Variants in RORB observed in about 807,000 individuals in gnomAD.
RORB encodes RAR related orphan receptor B.
RORB carries 6 observed loss-of-function variants against 59.1 expected under a neutral mutation model. The ratio of observed to expected loss-of-function variants is 0.10; its 90% CI spans 0.06 to 0.20. The LOEUF (loss-of-function observed/expected upper bound fraction) is 0.20, where lower values mean the gene tolerates loss of function less well. Ranked by LOEUF, RORB falls within the 10% of genes least tolerant of loss-of-function variation. The probability of loss-of-function intolerance (pLI) is 1.00; values close to 1 mark genes in which losing one functional copy is unlikely to be tolerated. For missense variants in RORB, 320 were observed against 560.5 expected (o/e 0.57, Z 4.33); for synonymous variants, 215 against 204.5 (o/e 1.05, Z -0.44).
intron 9 of RORB, among the ~76,000 whole-genome samples, chr9:74,678,099 A>C (rs1824475753): frequency 2.0e-5 from 3 of 152,226 alleles, no homozygotes; most frequent in African/African-American, 7.2e-5. Context: ...CTGTGCTGAT[A>C]GATTCTAAAT....
Position 74,582,699 on chromosome 9 carries a change from G to A in RORB, c.8-47583G>A, listed in dbSNP as rs113911522. On this transcript the variant is annotated intron_variant, in intron 1 of 9. Coordinates refer to ENST00000376896, the MANE Select transcript of RORB (RefSeq NM_006914.4). ...AGCAGCCACTGCTCCTCTGGACAGAGCAGGTACTTACTAGTTCACCTCAGC... is the reference window on the plus strand; with the variant it reads ...AGCAGCCACTGCTCCTCTGGACAGAACAGGTACTTACTAGTTCACCTCAGC... Among the ~76,000 whole-genome samples the A allele has an allele frequency of 1.5e-3, 232 of 152,244 alleles. 1 individual carries two copies. Among genetic ancestry groups the A allele is most frequent in the African/African-American group, 5.4e-3 (223 of 41,540 alleles).
intron 1 of RORB, among the ~76,000 whole-genome samples, chr9:74,609,998 T>C (rs992234295): frequency 1.3e-5 from 2 of 152,214 alleles, no homozygotes; most frequent in African/African-American, 4.8e-5. Flanking sequence ...GAAACCCTGC[T>C]CTAGAACCTG....
Position 74,548,693 on chromosome 9 carries a change from G to A in RORB, c.7+50710G>A, listed in dbSNP as rs1826541881. Among the ~76,000 whole-genome samples, 3 of 151,996 alleles carry A rather than the reference G, an allele frequency of 2.0e-5. No homozygotes were observed. In the South Asian group the frequency reaches 6.2e-4, roughly 32 times the overall value. ...AGTGTGAACTTCGAAAGTAATAACT[G>A]GTCATTGCAGAGAATGTGGAAAATG... On this transcript the variant is annotated intron_variant, in intron 1 of 9. Transcript: ENST00000376896.
chr9:74,660,540 T>A, intron 4 of RORB, 77 bp from the exon 5 acceptor site: 1 of 1,375,866 alleles, frequency 7.3e-7, no homozygotes, highest in Non-Finnish European at 9.9e-7. Flanking sequence ...AAAGGCATTC[T>A]TATAGTAAAC....
At chr9:74,573,979 G>A (rs182468332) in intron 1 of RORB, among the ~76,000 whole-genome samples, 25 of 152,210 alleles carry the variant, frequency 1.6e-4, no homozygotes, top group African/African-American at 5.1e-4. Context: ...GCACCCTCTC[G>A]GAATGCGTGG....
intron 4 of RORB, among the ~76,000 whole-genome samples, chr9:74,652,279 G>A (rs150288735): frequency 6.6e-5 from 10 of 152,068 alleles, no homozygotes; most frequent in Non-Finnish European, 1.2e-4. Flanking sequence ...GTGGTGGCTC[G>A]TGCCTGTAGT....
At chr9:74,507,926 ACAT>A (rs1825890675) in intron 1 of RORB, among the ~76,000 whole-genome samples, 2 of 152,070 alleles carry the variant, frequency 1.3e-5, no homozygotes, top group Non-Finnish European at 2.9e-5. Context: ...CAGGAAAAAC[ACAT>A]CATATCGTTA....
At chr9:74,587,105 A>C (rs1822814338) in intron 1 of RORB, among the ~76,000 whole-genome samples, 1 of 152,216 alleles carries the variant, frequency 6.6e-6, no homozygotes, top group African/African-American at 2.4e-5. Flanking sequence ...TGAATGATAT[A>C]AATACTTATG....
chr9:74,612,521 G>A (rs1346939142), intron 1 of RORB, among the ~76,000 whole-genome samples: 2 of 152,102 alleles, frequency 1.3e-5, no homozygotes, highest in African/African-American at 2.4e-5. Context: ...TCCACCCCTC[G>A]TATCTGAGCT....
chr9:74,564,757 A>G (rs1201743723), intron 1 of RORB, among the ~76,000 whole-genome samples: 2 of 152,246 alleles, frequency 1.3e-5, no homozygotes, highest in Non-Finnish European at 2.9e-5. Context: ...CTTAGAAATG[A>G]AAAAGAAGAT....
chr9:74,612,007 G>C (rs1465674421), intron 1 of RORB, among the ~76,000 whole-genome samples: 1 of 152,020 alleles, frequency 6.6e-6, no homozygotes, highest in Non-Finnish European at 1.5e-5. Flanking sequence ...ACAAAGAGAG[G>C]GTTTTATGCC....
chr9:74,538,125 G>C (rs144197129), intron 1 of RORB, among the ~76,000 whole-genome samples: 3 of 152,120 alleles, frequency 2.0e-5, no homozygotes, highest in African/African-American at 7.2e-5. Context: ...ACAGTATTTA[G>C]TTCAGTCACA....
intron 4 of RORB, among the ~76,000 whole-genome samples, chr9:74,644,788 T>G (rs1193457319): frequency 1.3e-5 from 2 of 152,114 alleles, no homozygotes; most frequent in Admixed American, 1.3e-4. Flanking sequence ...TGGCCTATAT[T>G]CAAAAGGGGA....
chr9:74,616,113 T>A (rs1278422254), intron 1 of RORB, among the ~76,000 whole-genome samples: 2 of 152,234 alleles, frequency 1.3e-5, no homozygotes, highest in East Asian at 3.8e-4. Flanking sequence ...TTTGGTTGAA[T>A]GATTATTAAC....
chr9:74,615,632 C>T (rs528788960), intron 1 of RORB: 19 of 453,778 alleles, frequency 4.2e-5, no homozygotes, highest in African/African-American at 1.2e-4. Context: ...CTAAAGCTGA[C>T]GCCACTGGTG....
chr9:74,605,521 G>A (rs1299238208), intron 1 of RORB, among the ~76,000 whole-genome samples: 1 of 152,206 alleles, frequency 6.6e-6, no homozygotes, highest in Non-Finnish European at 1.5e-5. Context: ...CCCGGTGTCT[G>A]TCTGCTCCTT....
chr9:74,511,211 G>T lies in RORB; in HGVS notation c.7+13228G>T, dbSNP rs150602749. 8.7e-3 allele frequency among the ~76,000 whole-genome samples: 1,330 copies of T among 152,106 alleles called. 10 individuals carry two copies. The highest frequency in any genetic ancestry group is 0.014 in the Non-Finnish European group (930 of 68,006). ...CGTCACTGGCATTAAATCTCTACAT[G>T]TACTTAATCATTTATTTTAGGTACT... On this transcript the variant is annotated intron_variant, in intron 1 of 9. Transcript: ENST00000376896.
chr9:74,672,020 T>C, intron 9 of RORB, 119 bp downstream of exon 9: 1 of 587,236 alleles, frequency 1.7e-6, no homozygotes, highest in Non-Finnish European at 3.1e-6. Flanking sequence ...TACCAAAGAC[T>C]GCATAAATTG....
At chr9:74,583,016 C>A (rs997786008) in intron 1 of RORB, among the ~76,000 whole-genome samples, 15 of 152,074 alleles carry the variant, frequency 9.9e-5, no homozygotes, top group Non-Finnish European at 1.9e-4. Context: ...CCTACAGGCC[C>A]TACTCATGAA....
Sources: gnomAD v4.1 joint callset for allele counts (sites outside exome capture counted in the v4.1 genomes callset) on GRCh38, gnomAD v4.1.1 for gene constraint, MANE v1.5 for transcripts, NCBI Gene and HGNC (gene_info 2026-07-23, HGNC 2026-07-21) for gene names.